The following ROCK2 variants were observed in gnomAD, a reference collection of about 807,000 sequenced individuals.
The protein encoded by ROCK2 is rho-associated protein kinase 2.
In ROCK2, 61 loss-of-function variants were observed where a neutral mutation model predicts 195.1. The observed-to-expected ratio is 0.31, with a 90% CI of 0.25 to 0.39. The LOEUF is 0.39. Ranked by LOEUF, ROCK2 falls within the 10% of genes least tolerant of loss-of-function variation. ROCK2 has a pLI of 1.00. For synonymous variants in ROCK2, 504 were observed against 545.5 expected (o/e 0.92, Z 1.06); for missense variants, 1,109 against 1,637.4 (o/e 0.68, Z 5.57).
intron 3 of ROCK2, among the ~76,000 whole-genome samples, chr2:11,258,615 CA>C (rs1666117161): frequency 6.6e-6 from 1 of 151,162 alleles, no homozygotes; most frequent in African/African-American, 2.5e-5. Context: ...GGGAAGAAAA[CA>C]AGACCTCCCA....
chr2:11,300,862 A>G (rs184198879), intron 1 of ROCK2, among the ~76,000 whole-genome samples: 1 of 152,214 alleles, frequency 6.6e-6, no homozygotes, highest in Non-Finnish European at 1.5e-5. Flanking sequence ...TGCAAAAAAA[A>G]AAGTTGTATC....
intron 3 of ROCK2, among the ~76,000 whole-genome samples, chr2:11,267,348 G>T (rs775514506): frequency 6.6e-6 from 1 of 152,082 alleles, no homozygotes; most frequent in Non-Finnish European, 1.5e-5. Context: ...TGGTCACCAC[G>T]ATCTCTGAGT....
chr2:11,242,211 A>G (rs1665450768), intron 4 of ROCK2, among the ~76,000 whole-genome samples: 1 of 152,198 alleles, frequency 6.6e-6, no homozygotes. Context: ...TAGGGAAAAA[A>G]TAAAAGTCAG....
rs1572302079 is a variant in ROCK2, at chr2:11,248,523, C to G, written c.462+1138G>C. Among the ~76,000 whole-genome samples, 11 of 151,870 alleles carry G rather than the reference C, an allele frequency of 7.2e-5. No homozygotes were observed. The South Asian group carries it at 1.9e-3, about 26-fold the overall frequency. The stretch of plus-strand genomic sequence containing the variant: ...AGCAGTTCAAGACCAGCCTGGCCAA[C>G]ATGGCAAAAACCCCATCTCTACTAA... On this transcript the variant is annotated intron_variant, in intron 4 of 32. Transcript: ENST00000315872.
intron 1 of ROCK2, among the ~76,000 whole-genome samples, chr2:11,317,829 T>C (rs371922860): frequency 1.3e-5 from 2 of 150,644 alleles, no homozygotes; most frequent in South Asian, 2.1e-4. Context: ...AGTGTTCTCA[T>C]TGTTCAATTC....
chr2:11,343,642 G>A (rs1363512224), intron 1 of ROCK2, among the ~76,000 whole-genome samples: 2 of 152,162 alleles, frequency 1.3e-5, no homozygotes, highest in African/African-American at 4.8e-5. Context: ...CACGTAGCAT[G>A]ACACTTTCAA....
At chr2:11,217,679 G>T (rs536193317) in intron 11 of ROCK2, 1 of 158,806 alleles carries the variant, frequency 6.3e-6, no homozygotes, top group African/African-American at 2.4e-5. Flanking sequence ...AATAACTTTC[G>T]AATAAATGAT....
rs1352583449 is a variant in ROCK2 at position 11,218,616 on chromosome 2, ATG to A, written c.1321-152_1321-151del. The A allele has an allele frequency of 5.3e-6, 3 of 563,920 alleles. No homozygotes were observed. The South Asian group carries it at 8.0e-5, about 15-fold the overall frequency. 34.9% of individuals were successfully genotyped at this position (563,920 alleles called of 1,614,324 possible). On this transcript the variant is annotated intron_variant, in intron 10 of 32. Coordinates refer to ENST00000315872, the MANE Select transcript of ROCK2 (RefSeq NM_004850.5). ...GAAAAAATGTTTAGCATCATCATTT[ATG>A]TGTATGTGTATATCCATGTATGATT...
intron 20 of ROCK2, among the ~76,000 whole-genome samples, chr2:11,205,476 A>G (rs1234868916): frequency 1.3e-5 from 2 of 152,112 alleles, no homozygotes; most frequent in Non-Finnish European, 1.5e-5. Context: ...GTGGGTTTAT[A>G]TATTTTTTAA....
rs182816759 is a variant in ROCK2 at position 11,214,829 on chromosome 2, G to C, written c.1936+11C>G. ...TCAAAATTAATTCAAGTGCAACCAC[G>C]ACTTCAATACCTTGTAAATCATTAA... On this transcript the variant is annotated intron_variant, in intron 16 of 32. Transcript: ENST00000315872. 3 of 1,584,116 alleles carry C rather than the reference G, an allele frequency of 1.9e-6. No homozygotes were observed. Among genetic ancestry groups the C allele is most frequent in the Non-Finnish European group, 2.6e-6 (3 of 1,167,070 alleles).
intron 4 of ROCK2, among the ~76,000 whole-genome samples, chr2:11,242,799 G>A (rs905542769): frequency 3.3e-5 from 5 of 151,978 alleles, no homozygotes; most frequent in Non-Finnish European, 7.4e-5. Context: ...TTCTCACTGC[G>A]CCTGCACACC....
At chr2:11,199,633 G>A (rs534452286) in intron 23 of ROCK2, among the ~76,000 whole-genome samples, 4 of 151,916 alleles carry the variant, frequency 2.6e-5, no homozygotes, top group South Asian at 2.1e-4. Flanking sequence ...GCCAGGCTGC[G>A]ATTTTCTATC....
chr2:11,285,504 T>C (rs1050343108), intron 3 of ROCK2, among the ~76,000 whole-genome samples: 4 of 152,094 alleles, frequency 2.6e-5, no homozygotes, highest in Non-Finnish European at 5.9e-5. Flanking sequence ...TTACATAAAT[T>C]GCACTACCCT....
intron 1 of ROCK2, among the ~76,000 whole-genome samples, chr2:11,321,232 G>C (rs1668388941): frequency 6.6e-6 from 1 of 152,126 alleles, no homozygotes. Flanking sequence ...CTGAAGTGCA[G>C]TGGCACGATC....
At chr2:11,243,086 T>C (rs948285436) in intron 4 of ROCK2, among the ~76,000 whole-genome samples, 7 of 151,904 alleles carry the variant, frequency 4.6e-5, no homozygotes, top group Admixed American at 3.3e-4. Flanking sequence ...GGCAGCCTAG[T>C]GGGGGATATA....
At chr2:11,188,103 ATTTT>A (rs747304783) in intron 32 of ROCK2, among the ~76,000 whole-genome samples, 2 of 112,640 alleles carry the variant, frequency 1.8e-5, no homozygotes, top group Admixed American at 1.0e-4. Context: ...CTGGTATATA[ATTTT>A]TTTTTTTTTT....
At chr2:11,260,509 C>A (rs72787646) in intron 3 of ROCK2, among the ~76,000 whole-genome samples, 6,294 of 150,216 alleles carry the variant, frequency 0.042, 266 homozygotes, top group Non-Finnish European at 0.06. Flanking sequence ...TATATTTACA[C>A]CACTCTTCAA....
At chr2:11,199,349 C>T (rs978794321) in intron 23 of ROCK2, among the ~76,000 whole-genome samples, 1 of 150,344 alleles carries the variant, frequency 6.7e-6, no homozygotes, top group African/African-American at 2.5e-5. Flanking sequence ...GTCTCAAGCT[C>T]TGTTGCCCAG....
At chr2:11,283,372 A>G (rs1449136088) in intron 3 of ROCK2, among the ~76,000 whole-genome samples, 20 of 151,060 alleles carry the variant, frequency 1.3e-4, no homozygotes, top group Non-Finnish European at 2.7e-4. Context: ...CATCCTGGCT[A>G]ACAAGGTGAA....
Sources: gnomAD v4.1 joint callset for allele counts (sites outside exome capture counted in the v4.1 genomes callset) on GRCh38, gnomAD v4.1.1 for gene constraint, MANE v1.5 for transcripts, NCBI Gene and HGNC (gene_info 2026-07-23, HGNC 2026-07-21) for gene names.